Variants in SNTG1 observed in about 807,000 individuals in gnomAD.
SNTG1 encodes syntrophin gamma 1, also known as gamma-1-syntrophin.
In SNTG1, 39 loss-of-function variants were observed where a neutral mutation model predicts 74.7. The observed-to-expected ratio is 0.52, with a 90% CI of 0.40 to 0.68. The LOEUF is 0.68. Among genes scored for constraint, SNTG1 ranks in the 30% least tolerant of loss-of-function variants. The pLI, the probability that SNTG1 is intolerant of heterozygous loss-of-function variation, is 0.00. For synonymous variants in SNTG1, 254 were observed against 217.1 expected, an observed-to-expected ratio of 1.17 and a Z score of -1.49; for missense variants, 685 against 609.5, an observed-to-expected ratio of 1.12 and a Z score of -1.30.
At chr8:49,989,675 A>G (rs777444307) in intron 1 of SNTG1, among the ~76,000 whole-genome samples, 5 of 151,974 alleles carry the variant, frequency 3.3e-5, no homozygotes, top group Non-Finnish European at 7.4e-5. Flanking sequence ...CTGTCTCTAG[A>G]AATATAGACA....
intron 18 of SNTG1, among the ~76,000 whole-genome samples, chr8:50,759,559 A>G (rs1043296819): frequency 6.6e-6 from 1 of 152,080 alleles, no homozygotes; most frequent in African/African-American, 2.4e-5. Context: ...CATTTATTAA[A>G]TAGGGAATCC....
intron 2 of SNTG1, among the ~76,000 whole-genome samples, chr8:50,367,119 G>A (rs779768057): frequency 1.8e-4 from 27 of 151,708 alleles, no homozygotes; most frequent in Non-Finnish European, 3.2e-4. Flanking sequence ...GAGCATAGGT[G>A]ATTCTAAGAG....
At chr8:50,613,214 G>C (rs149291698) in intron 13 of SNTG1, among the ~76,000 whole-genome samples, 19 of 152,212 alleles carry the variant, frequency 1.2e-4, no homozygotes, top group African/African-American at 4.3e-4. Context: ...GAAAGACTTG[G>C]GTGAAGTTCG....
chr8:50,747,893 T>A (rs2095558709), intron 17 of SNTG1: 1 of 151,984 alleles, frequency 6.6e-6, no homozygotes, highest in African/African-American at 2.4e-5. Flanking sequence ...TGCCATCAAG[T>A]CCAGCTAACT....
chr8:50,578,244 G>A lies in SNTG1; in HGVS notation c.811-12635G>A, dbSNP rs2094587944. On this transcript the variant is annotated intron_variant, in intron 12 of 18. Transcript: ENST00000642720. ...ACATTCTTTCTGAGTCCTCAGAAAA[G>A]CTTTCATGGCAGATATGGTTTTGAT... Among the ~76,000 whole-genome samples the A allele has an allele frequency of 2.6e-5, 4 of 152,302 alleles. No individual in the cohort carries two copies. The South Asian group carries it at 8.3e-4, about 32-fold the overall frequency.
intron 1 of SNTG1, among the ~76,000 whole-genome samples, chr8:50,105,388 T>TTTC (rs2080325644): frequency 6.6e-6 from 1 of 152,136 alleles, no homozygotes; most frequent in Non-Finnish European, 1.5e-5. Flanking sequence ...TTGGTTTGTG[T>TTTC]TTCTATTTTG....
At chr8:49,977,656 G>C (rs542716233) in intron 1 of SNTG1, among the ~76,000 whole-genome samples, 2 of 152,268 alleles carry the variant, frequency 1.3e-5, no homozygotes, top group South Asian at 2.1e-4. Context: ...TCCTATTTGT[G>C]TTCACTTATC....
intron 8 of SNTG1, among the ~76,000 whole-genome samples, chr8:50,451,415 A>G (rs1002370886): frequency 1.3e-5 from 2 of 152,070 alleles, no homozygotes; most frequent in Non-Finnish European, 2.9e-5. Flanking sequence ...ACCTAGGAAC[A>G]AATGGAAGGG....
intron 1 of SNTG1, among the ~76,000 whole-genome samples, chr8:50,071,294 G>A (rs1446343921): frequency 6.6e-6 from 1 of 152,074 alleles, no homozygotes; most frequent in Admixed American, 6.6e-5. Flanking sequence ...GAAAGCCTAG[G>A]CTCAAGCTAT....
intron 2 of SNTG1, among the ~76,000 whole-genome samples, chr8:50,231,154 G>A (rs2132063654): frequency 6.6e-6 from 1 of 151,410 alleles, no homozygotes; most frequent in East Asian, 1.9e-4. Context: ...CTAACCACTG[G>A]GGAGATGCAA....
chr8:50,689,089 A>ATTTTTTT (rs199963937), intron 15 of SNTG1, among the ~76,000 whole-genome samples: 1 of 138,372 alleles, frequency 7.2e-6, no homozygotes, highest in Admixed American at 7.4e-5. Flanking sequence ...AATGTTTGTG[A>ATTTTTTT]ACATTGATTT....
chr8:50,180,162 T>G (rs190983372), intron 2 of SNTG1, among the ~76,000 whole-genome samples: 1 of 152,250 alleles, frequency 6.6e-6, no homozygotes, highest in East Asian at 1.9e-4. Flanking sequence ...TTACACTAAG[T>G]GAAATAAGCC....
At chr8:50,187,466 G>T (rs1012690947) in intron 2 of SNTG1, among the ~76,000 whole-genome samples, 1 of 152,074 alleles carries the variant, frequency 6.6e-6, no homozygotes, top group Non-Finnish European at 1.5e-5. Flanking sequence ...CTAGCCATAC[G>T]CAGAAAGCTG....
intron 18 of SNTG1, among the ~76,000 whole-genome samples, chr8:50,755,180 A>C (rs1039566981): frequency 4.0e-5 from 6 of 151,826 alleles, no homozygotes; most frequent in Non-Finnish European, 1.5e-5. Flanking sequence ...GGGTTTTGAT[A>C]TATATAGTGG....
chr8:50,458,436 A>C lies in SNTG1; in HGVS notation c.363+7707A>C, dbSNP rs2093528480. Among the ~76,000 whole-genome samples, 3 of 152,194 alleles carry C rather than the reference A, an allele frequency of 2.0e-5. No homozygotes were observed. The South Asian group carries it at 6.2e-4, about 31-fold the overall frequency. ...CATCTCAAAATGGAATAAAGTAGCAAACAAGAAGGTGATATGACAGACAAA... is the reference window on the plus strand; with the variant it reads ...CATCTCAAAATGGAATAAAGTAGCACACAAGAAGGTGATATGACAGACAAA... On this transcript the variant is annotated intron_variant, in intron 8 of 18. Transcript: ENST00000642720.
intron 2 of SNTG1, among the ~76,000 whole-genome samples, chr8:50,351,864 T>C (rs2091672222): frequency 6.6e-6 from 1 of 152,150 alleles, no homozygotes; most frequent in Non-Finnish European, 1.5e-5. Flanking sequence ...AACTGGGAAA[T>C]AAAACTGAAT....
intron 1 of SNTG1, among the ~76,000 whole-genome samples, chr8:50,042,604 T>G (rs2130825065): frequency 6.6e-6 from 1 of 152,228 alleles, no homozygotes; most frequent in East Asian, 1.9e-4. Context: ...AACCCATTGA[T>G]GAAGTGCAGT....
At chr8:50,306,998 G>C (rs929820615) in intron 2 of SNTG1, among the ~76,000 whole-genome samples, 1 of 151,516 alleles carries the variant, frequency 6.6e-6, no homozygotes, top group African/African-American at 2.4e-5. Flanking sequence ...TTTGTGTCTG[G>C]TCTCATTCTC....
At chr8:50,095,924 G>T (rs941967702) in intron 1 of SNTG1, among the ~76,000 whole-genome samples, 16 of 150,808 alleles carry the variant, frequency 1.1e-4, no homozygotes, top group African/African-American at 3.9e-4. Flanking sequence ...AAATTATTTT[G>T]AAATGTGAAA....
Sources: allele counts gnomAD v4.1 joint callset (sites outside exome capture counted in the v4.1 genomes callset), GRCh38; gene constraint gnomAD v4.1.1; transcripts MANE v1.5; gene names NCBI Gene and HGNC (gene_info 2026-07-23, HGNC 2026-07-21).